The following C12orf42 variants were observed in gnomAD, a reference collection of about 807,000 sequenced individuals.
C12orf42 encodes uncharacterized protein C12orf42.
C12orf42 carries 25 observed loss-of-function variants against 21.6 expected under a neutral mutation model. The observed-to-expected ratio is 1.16, with a 90% confidence interval of 0.84 to 1.62. The LOEUF is 1.62. Ranked by LOEUF, C12orf42 falls within the 40% of genes most tolerant of loss-of-function variation. The pLI is 0.00. For missense variants in C12orf42, 483 were observed against 459.3 expected, an observed-to-expected ratio of 1.05 and a Z score of -0.47; for synonymous variants, 174 against 175.0, an observed-to-expected ratio of 0.99 and a Z score of 0.05.
At chr12:103,328,587 C>T (rs1458698310) in intron 4 of C12orf42, among the ~76,000 whole-genome samples, 5 of 152,184 alleles carry the variant, frequency 3.3e-5, no homozygotes, top group African/African-American at 9.7e-5. Context: ...CTTCTCCTCC[C>T]CCAAAACTCA....
chr12:103,129,896 G>T, the C12orf42 span, among the ~76,000 whole-genome samples: 1 of 152,130 alleles, frequency 6.6e-6, no homozygotes, highest in African/African-American at 2.4e-5. Flanking sequence ...TCAGTTCTCT[G>T]TCTTCCATAT....
chr12:103,171,602 A>G, the C12orf42 span, among the ~76,000 whole-genome samples: 1 of 152,118 alleles, frequency 6.6e-6, no homozygotes, highest in Admixed American at 6.6e-5. Context: ...TTTTTAATAA[A>G]TTGAAGAGTT....
chr12:103,239,754 A>G (rs1311711119), intron 10 of C12orf42, among the ~76,000 whole-genome samples: 1 of 152,148 alleles, frequency 6.6e-6, no homozygotes, highest in African/African-American at 2.4e-5. Context: ...ATTGAGACTT[A>G]GTCTACTCAG....
intron 1 of C12orf42, among the ~76,000 whole-genome samples, chr12:103,484,640 T>G (rs1011948815): frequency 2.6e-5 from 4 of 152,200 alleles, no homozygotes; most frequent in African/African-American, 9.6e-5. Context: ...TTTATTTTGC[T>G]GTGCAGAAGC....
chr12:103,133,440 C>A, the C12orf42 span, among the ~76,000 whole-genome samples: 1 of 152,164 alleles, frequency 6.6e-6, no homozygotes, highest in African/African-American at 2.4e-5. Context: ...ACTTATGAAA[C>A]CTGTTGCCCA....
chr12:103,277,057 C>T (rs1464085141), intron 5 of C12orf42: 1 of 448,364 alleles, frequency 2.2e-6, no homozygotes, highest in Non-Finnish European at 4.5e-6. Flanking sequence ...TTTTAAAGTG[C>T]TATTACTAAT....
chr12:103,472,304 T>A (rs553808839), intron 2 of C12orf42, among the ~76,000 whole-genome samples: 167 of 152,168 alleles, frequency 1.1e-3, no homozygotes, highest in African/African-American at 3.8e-3. Flanking sequence ...TCCGCCCGCC[T>A]CGGCCTCCCA....
At chr12:103,522,537 C>A in the C12orf42 span, among the ~76,000 whole-genome samples, 18 of 152,280 alleles carry the variant, frequency 1.2e-4, 1 homozygote, top group Admixed American at 9.2e-4. Context: ...TCCTGACACA[C>A]GTGCAAACCT....
downstream of C12orf42, among the ~76,000 whole-genome samples, chr12:103,236,699 G>A (rs540093069): frequency 8.5e-5 from 13 of 152,172 alleles, 1 homozygote; most frequent in South Asian, 2.7e-3. Context: ...ATGAGAATTA[G>A]CAAAGTTCTA....
intron 2 of C12orf42, among the ~76,000 whole-genome samples, chr12:103,471,417 T>C (rs915290615): frequency 1.3e-5 from 2 of 152,210 alleles, no homozygotes; most frequent in Admixed American, 1.3e-4. Flanking sequence ...TCCAGAAACT[T>C]CCCATACTTA....
chr12:103,177,180 C>G, the C12orf42 span, among the ~76,000 whole-genome samples: 4 of 152,190 alleles, frequency 2.6e-5, no homozygotes, highest in East Asian at 7.7e-4. Flanking sequence ...AGAATGATGA[C>G]TCCCAAGAGG....
chr12:103,147,294 A>G, the C12orf42 span, among the ~76,000 whole-genome samples: 45,043 of 151,834 alleles, frequency 0.3, 7,077 homozygotes, highest in East Asian at 0.4. Flanking sequence ...TCTAGTTTTC[A>G]TTTTTCTAAG....
chr12:103,294,455 A>T (rs1175461364), intron 4 of C12orf42, among the ~76,000 whole-genome samples: 26 of 131,116 alleles, frequency 2.0e-4, no homozygotes, highest in African/African-American at 8.4e-4. Context: ...AGAAAGAAAG[A>T]AAGAAAGAAA....
At chr12:103,049,468 G>T in the C12orf42 span, among the ~76,000 whole-genome samples, 3 of 152,034 alleles carry the variant, frequency 2.0e-5, no homozygotes, top group East Asian at 5.8e-4. Context: ...TAAGGTGATG[G>T]CCTCCTAATT....
At chr12:103,129,873 C>T in the C12orf42 span, among the ~76,000 whole-genome samples, 2 of 152,216 alleles carry the variant, frequency 1.3e-5, no homozygotes, top group African/African-American at 4.8e-5. Context: ...CCAACTACTG[C>T]TCCTTGACCT....
the C12orf42 span, among the ~76,000 whole-genome samples, chr12:103,154,636 T>C: frequency 6.6e-6 from 1 of 152,186 alleles, no homozygotes; most frequent in Admixed American, 6.5e-5. Flanking sequence ...GCAACTGTTT[T>C]GGATATAAAA....
intron 4 of C12orf42, among the ~76,000 whole-genome samples, chr12:103,356,254 A>C (rs2043543340): frequency 6.6e-6 from 1 of 151,998 alleles, no homozygotes; most frequent in South Asian, 2.1e-4. Context: ...TGACTCCATA[A>C]CTTTTTACTC....
At chr12:103,517,292 G>A in the C12orf42 span, among the ~76,000 whole-genome samples, 2 of 152,166 alleles carry the variant, frequency 1.3e-5, no homozygotes, top group East Asian at 1.9e-4. Flanking sequence ...CTAGTCAAAC[G>A]AGTTTAGGAA....
chr12:103,136,958 AG>A, the C12orf42 span, among the ~76,000 whole-genome samples: 1 of 152,220 alleles, frequency 6.6e-6, no homozygotes, highest in African/African-American at 2.4e-5. Context: ...AAAACACCCC[AG>A]GACACTGGTC....
Sources: allele counts gnomAD v4.1 joint callset (sites outside exome capture counted in the v4.1 genomes callset), GRCh38; gene constraint gnomAD v4.1.1; transcripts MANE v1.5; gene names NCBI Gene and HGNC (gene_info 2026-07-23, HGNC 2026-07-21).